CTNND2: variants seen among roughly 807,000 people sequenced by gnomAD.
CTNND2 encodes the protein catenin delta-2.
Under a neutral mutation model 144.4 loss-of-function variants are expected in CTNND2, and 22 were observed. The ratio of observed to expected loss-of-function variants is 0.15; its 90% CI spans 0.11 to 0.22. The LOEUF (loss-of-function observed/expected upper bound fraction) is 0.22. Ranked by LOEUF, CTNND2 falls within the 10% of genes least tolerant of loss-of-function variation. The pLI is 1.00. For missense variants in CTNND2, 1,353 were observed against 1,618.8 expected (o/e 0.84, Z 2.82); for synonymous variants, 751 against 695.6 (o/e 1.08, Z -1.25).
At chr5:11,783,187 G>A (rs1416422439) in intron 1 of CTNND2, among the ~76,000 whole-genome samples, 2 of 152,140 alleles carry the variant, frequency 1.3e-5, no homozygotes, top group African/African-American at 2.4e-5. Context: ...AGAGATGAGC[G>A]AGGGAGCCAA....
rs73059756 is a variant in CTNND2 at position 11,693,612 on chromosome 5, G to A, written c.174+38524C>T. ...CTTCAATGCAATGGAATCTCAATGA[G>A]GACAGGGCTGTTTGTGTCTTTTGAT... On this transcript the variant is annotated intron_variant, in intron 2 of 21. Transcript: ENST00000304623. 5.4e-3 allele frequency among the ~76,000 whole-genome samples: 815 copies of A among 152,294 alleles called. 10 individuals carry two copies. Among genetic ancestry groups the A allele is most frequent in the African/African-American group, 0.019 (790 of 41,562 alleles).
chr5:11,810,367 T>C (rs908711174), intron 1 of CTNND2, among the ~76,000 whole-genome samples: 9 of 152,220 alleles, frequency 5.9e-5, no homozygotes, highest in African/African-American at 1.7e-4. Context: ...ATGATATTCA[T>C]AATTTTTTCA....
intron 1 of CTNND2, among the ~76,000 whole-genome samples, chr5:11,820,794 G>A (rs919283824): frequency 2.0e-5 from 3 of 152,174 alleles, no homozygotes; most frequent in Non-Finnish European, 4.4e-5. Flanking sequence ...AGGTACTGCA[G>A]GATGTGGGTT....
intron 1 of CTNND2, among the ~76,000 whole-genome samples, chr5:11,852,457 T>C (rs1795059874): frequency 6.6e-6 from 1 of 151,876 alleles, no homozygotes; most frequent in South Asian, 2.1e-4. Context: ...CTGAGAAAAA[T>C]ACTGTGAGAA....
At chr5:11,089,200 A>G (rs563890961) in intron 15 of CTNND2, among the ~76,000 whole-genome samples, 2 of 152,292 alleles carry the variant, frequency 1.3e-5, no homozygotes, top group African/African-American at 2.4e-5. Flanking sequence ...AAAATAACTT[A>G]TCTCGCTTGG....
At chr5:11,183,229 G>A (rs1735275992) in intron 11 of CTNND2, among the ~76,000 whole-genome samples, 1 of 152,156 alleles carries the variant, frequency 6.6e-6, no homozygotes, top group Admixed American at 6.5e-5. Context: ...TAGACTGCTT[G>A]AAAATCCTAA....
intron 9 of CTNND2, among the ~76,000 whole-genome samples, chr5:11,241,139 C>T (rs1224080104): frequency 1.3e-5 from 2 of 151,838 alleles, no homozygotes; most frequent in African/African-American, 2.4e-5. Context: ...CTCAAACACA[C>T]CCAACATACA....
chr5:10,992,080 G>T (rs1009688827), intron 19 of CTNND2, among the ~76,000 whole-genome samples: 1 of 152,108 alleles, frequency 6.6e-6, no homozygotes, highest in Admixed American at 6.6e-5. Context: ...AACAAGCCCG[G>T]CTAATTTTTG....
At chr5:11,676,027 C>A (rs1784155407) in intron 2 of CTNND2, among the ~76,000 whole-genome samples, 1 of 151,844 alleles carries the variant, frequency 6.6e-6, no homozygotes, top group South Asian at 2.1e-4. Context: ...GGTCCCTGAC[C>A]CTTGTGTATC....
In CTNND2 at chr5:11,799,747, CACAG is replaced by C. The variant is rs575836719; in HGVS notation, c.38-67479_38-67476del. 2.6e-5 allele frequency among the ~76,000 whole-genome samples: 4 copies of C among 152,290 alleles called. No homozygotes were observed. The South Asian group carries it at 8.3e-4, about 32-fold the overall frequency. ...ACATAATGAAACAGCATTCTAACTGCACAGACAGTGATAGATACTATTAATGTTG... is the reference window on the plus strand; with the variant it reads ...ACATAATGAAACAGCATTCTAACTGCACAGTGATAGATACTATTAATGTTG... On this transcript the variant is annotated intron_variant, in intron 1 of 21. Transcript: ENST00000304623.
At chr5:11,589,316 A>G (rs868302134) in intron 2 of CTNND2, among the ~76,000 whole-genome samples, 3 of 108,904 alleles carry the variant, frequency 2.8e-5, no homozygotes, top group South Asian at 3.3e-4. Flanking sequence ...CACACACGAC[A>G]ACAACAACAA....
At chr5:11,412,780 C>T (rs61749761) in intron 3 of CTNND2, among the ~76,000 whole-genome samples, 3,703 of 152,198 alleles carry the variant, frequency 0.024, 162 homozygotes, top group African/African-American at 0.083. Flanking sequence ...ACACTTCCTA[C>T]AGGCCCCTTT....
At chr5:11,662,971 G>A (rs1440697426) in intron 2 of CTNND2, among the ~76,000 whole-genome samples, 1 of 152,218 alleles carries the variant, frequency 6.6e-6, no homozygotes, top group African/African-American at 2.4e-5. Flanking sequence ...GAGCACATCA[G>A]AGCATTATGT....
intron 7 of CTNND2, among the ~76,000 whole-genome samples, chr5:11,366,587 A>T (rs1757000199): frequency 6.6e-6 from 1 of 152,208 alleles, no homozygotes; most frequent in Non-Finnish European, 1.5e-5. Context: ...TTTTCCAGGA[A>T]TATATTTAAG....
chr5:11,873,929 G>A (rs886599261), intron 1 of CTNND2, among the ~76,000 whole-genome samples: 5 of 152,154 alleles, frequency 3.3e-5, no homozygotes, highest in African/African-American at 1.2e-4. Flanking sequence ...TAATACAGAG[G>A]GAGCCTAGAA....
At chr5:11,315,029 T>C (rs1751349695) in intron 9 of CTNND2, among the ~76,000 whole-genome samples, 2 of 152,230 alleles carry the variant, frequency 1.3e-5, no homozygotes, top group African/African-American at 4.8e-5. Flanking sequence ...ATCAAGTCTT[T>C]TAATTTGCTA....
intron 9 of CTNND2, among the ~76,000 whole-genome samples, chr5:11,322,917 G>A (rs1267717552): frequency 1.3e-5 from 2 of 152,192 alleles, no homozygotes; most frequent in East Asian, 3.9e-4. Flanking sequence ...TAAATTTAGA[G>A]ATCAGAGGCA....
At position 11,531,931 on chromosome 5, in the gene CTNND2, T is replaced by C. The variant is rs548480861; in HGVS notation, c.287+33013A>G. On this transcript the variant is annotated intron_variant, in intron 3 of 21. Transcript: ENST00000304623. ...CCAAATAAAGTCTGGTCACATTATTTCAAGACACACTAACCGCAGTGCACA... is the reference window on the plus strand; with the variant it reads ...CCAAATAAAGTCTGGTCACATTATTCCAAGACACACTAACCGCAGTGCACA... 4.6e-4 allele frequency among the ~76,000 whole-genome samples: 70 copies of C among 152,292 alleles called. 1 individual carries two copies. The East Asian group carries it at 0.013, about 28-fold the overall frequency.
intron 13 of CTNND2, among the ~76,000 whole-genome samples, chr5:11,114,675 G>T (rs1376331157): frequency 6.6e-6 from 1 of 152,188 alleles, no homozygotes; most frequent in African/African-American, 2.4e-5. Flanking sequence ...TAATCTGGAA[G>T]TTGTAGAGTG....
Sources: gnomAD v4.1 joint callset for allele counts (sites outside exome capture counted in the v4.1 genomes callset) on GRCh38, gnomAD v4.1.1 for gene constraint, MANE v1.5 for transcripts, NCBI Gene and HGNC (gene_info 2026-07-23, HGNC 2026-07-21) for gene names.